The following CLASP1 variants were observed in gnomAD, a reference collection of about 807,000 sequenced individuals.
The protein encoded by CLASP1 is CLIP-associating protein 1.
A neutral mutation model predicts 192.3 loss-of-function variants in CLASP1; 38 were observed. The observed-to-expected ratio is 0.20, with a 90% CI of 0.15 to 0.26. The LOEUF (loss-of-function observed/expected upper bound fraction) is 0.26, where lower values mean the gene tolerates loss of function less well. CLASP1 is among the 10% of genes least tolerant of loss of function. The probability of loss-of-function intolerance (pLI) is 1.00; values close to 1 mark genes in which losing one functional copy is unlikely to be tolerated. For missense variants in CLASP1, 1,433 were observed against 1,932.5 expected (o/e 0.74, Z 4.85); for synonymous variants, 691 against 712.8 (o/e 0.97, Z 0.49).
intron 23 of CLASP1, among the ~76,000 whole-genome samples, chr2:121,412,908 T>C (rs935823932): frequency 2.0e-5 from 3 of 152,156 alleles, no homozygotes; most frequent in African/African-American, 7.2e-5. Flanking sequence ...AAGAGATGAA[T>C]ACCTATGACT....
chr2:121,502,510 G>A (rs2093787643), intron 8 of CLASP1, among the ~76,000 whole-genome samples: 1 of 152,198 alleles, frequency 6.6e-6, no homozygotes, highest in African/African-American at 2.4e-5. Flanking sequence ...AAATACTTCA[G>A]GCAGAAGGAA....
intron 8 of CLASP1, among the ~76,000 whole-genome samples, chr2:121,492,988 T>A (rs1248726881): frequency 6.6e-6 from 1 of 152,222 alleles, no homozygotes; most frequent in East Asian, 1.9e-4. Context: ...AACTGAATTA[T>A]ACACTTGAAA....
At chr2:121,516,739 T>C (rs974249544) in intron 6 of CLASP1, among the ~76,000 whole-genome samples, 2 of 152,240 alleles carry the variant, frequency 1.3e-5, no homozygotes, top group African/African-American at 4.8e-5. Context: ...GTTAAAAATA[T>C]CATCATAAGC....
At chr2:121,369,483 G>T (rs748879316) in intron 34 of CLASP1, among the ~76,000 whole-genome samples, 13 of 151,822 alleles carry the variant, frequency 8.6e-5, no homozygotes, top group Non-Finnish European at 1.3e-4. Context: ...GTAAGCCATT[G>T]AACAGGAGGT....
intron 8 of CLASP1, among the ~76,000 whole-genome samples, chr2:121,501,882 G>C (rs993438148): frequency 6.6e-6 from 1 of 152,118 alleles, no homozygotes; most frequent in Non-Finnish European, 1.5e-5. Context: ...ACTGGGATTC[G>C]GGGTGCAGTT....
At chr2:121,631,158 CAAAAAAAAAAAAA>C (rs869087192) in intron 1 of CLASP1, among the ~76,000 whole-genome samples, 4 of 65,152 alleles carry the variant, frequency 6.1e-5, no homozygotes, top group South Asian at 8.1e-4. Flanking sequence ...GACTCCAGCT[CAAAAAAAAAAAAA>C]AAAAAAAAAA....
At chr2:121,418,647 G>C (rs751469252) in exon 23 of CLASP1, 2 of 1,613,734 alleles carry the variant, frequency 1.2e-6, no homozygotes, top group Non-Finnish European at 1.7e-6. Flanking sequence ...CCCGAGCAGG[G>C]CTTGTATCTC....
intron 1 of CLASP1, among the ~76,000 whole-genome samples, chr2:121,617,586 G>T (rs2066671151): frequency 6.6e-6 from 1 of 152,206 alleles, no homozygotes; most frequent in Non-Finnish European, 1.5e-5. Context: ...ATCCAAGGAA[G>T]ACTTTTCTGT....
At chr2:121,452,139 C>A (rs893707145) in intron 14 of CLASP1, among the ~76,000 whole-genome samples, 1 of 152,226 alleles carries the variant, frequency 6.6e-6, no homozygotes, top group Non-Finnish European at 1.5e-5. Context: ...GGACTTACCA[C>A]TGTCATTCAT....
At chr2:121,554,330 G>C (rs1425981443) in intron 2 of CLASP1, among the ~76,000 whole-genome samples, 2 of 152,076 alleles carry the variant, frequency 1.3e-5, no homozygotes, top group African/African-American at 4.8e-5. Flanking sequence ...AATCAGATAG[G>C]CTGGTTGAAG....
intron 8 of CLASP1, among the ~76,000 whole-genome samples, chr2:121,486,673 G>A (rs2092999012): frequency 6.6e-6 from 1 of 152,126 alleles, no homozygotes. Context: ...GAAAAACTTA[G>A]AGCCAAATTT....
At chr2:121,395,265 T>A (rs79845437) in intron 30 of CLASP1, among the ~76,000 whole-genome samples, 2 of 152,172 alleles carry the variant, frequency 1.3e-5, no homozygotes, top group Non-Finnish European at 2.9e-5. Context: ...ATCTGTATTG[T>A]TTCAAGCTAA....
intron 20 of CLASP1, among the ~76,000 whole-genome samples, chr2:121,427,749 CA>C (rs986510977): frequency 6.6e-6 from 1 of 152,162 alleles, no homozygotes; most frequent in African/African-American, 2.4e-5. Flanking sequence ...CTACCATCTT[CA>C]AAAGTGCTTA....
chr2:121,635,811 A>T (rs894096372), intron 1 of CLASP1, among the ~76,000 whole-genome samples: 1 of 152,260 alleles, frequency 6.6e-6, no homozygotes, highest in African/African-American at 2.4e-5. Context: ...GCATTTGTCA[A>T]AAATGAAAAG....
intron 2 of CLASP1, chr2:121,532,394 G>A (rs1435258108): frequency 1.3e-5 from 2 of 152,208 alleles, no homozygotes; most frequent in African/African-American, 4.8e-5. Flanking sequence ...GTATGAAGTG[G>A]AGGAGTAACT....
At chr2:121,466,317 A>G (rs1376784709) in intron 9 of CLASP1, among the ~76,000 whole-genome samples, 1 of 152,230 alleles carries the variant, frequency 6.6e-6, no homozygotes, top group African/African-American at 2.4e-5. Flanking sequence ...CACAATTAAC[A>G]TTCCTACAGC....
chr2:121,392,681 T>C (rs1262965995), intron 30 of CLASP1, among the ~76,000 whole-genome samples: 1 of 152,234 alleles, frequency 6.6e-6, no homozygotes, highest in East Asian at 1.9e-4. Context: ...GTCAAATGGA[T>C]GTCAAACTCC....
At chr2:121,607,020 T>C (rs932190861) in intron 1 of CLASP1, among the ~76,000 whole-genome samples, 3 of 151,836 alleles carry the variant, frequency 2.0e-5, no homozygotes, top group Admixed American at 6.6e-5. Context: ...TGCGCCACTG[T>C]ACTCCAGCCT....
intron 32 of CLASP1, among the ~76,000 whole-genome samples, chr2:121,383,868 G>C (rs1280728811): frequency 6.6e-6 from 1 of 151,224 alleles, no homozygotes; most frequent in East Asian, 1.9e-4. Context: ...CTGGTAATAG[G>C]AAGTTTATTC....
Sources: allele counts gnomAD v4.1 joint callset (sites outside exome capture counted in the v4.1 genomes callset), GRCh38; gene constraint gnomAD v4.1.1; transcripts MANE v1.5; gene names NCBI Gene and HGNC (gene_info 2026-07-23, HGNC 2026-07-21).